The following CORO1C variants were observed in gnomAD, a reference collection of about 807,000 sequenced individuals.
The protein encoded by CORO1C is coronin-1C.
In CORO1C, 14 loss-of-function variants were observed where a neutral mutation model predicts 51.2. The ratio of observed to expected loss-of-function variants is 0.27; its 90% confidence interval spans 0.18 to 0.43. The LOEUF is 0.43. Among genes scored for constraint, CORO1C ranks in the 20% least tolerant of loss-of-function variants. CORO1C has a pLI of 1.00. For synonymous variants in CORO1C, 181 were observed against 210.5 expected, an observed-to-expected ratio of 0.86 and a Z score of 1.21; for missense variants, 417 against 607.8, an observed-to-expected ratio of 0.69 and a Z score of 3.30.
chr12:108,697,246 G>A (rs925211406), intron 2 of CORO1C, among the ~76,000 whole-genome samples: 1 of 152,058 alleles, frequency 6.6e-6, no homozygotes, highest in Admixed American at 6.5e-5. Flanking sequence ...TAATTCCAAC[G>A]TGTACATATT....
At chr12:108,655,268 ATAT>A (rs1397484835) in intron 6 of CORO1C, among the ~76,000 whole-genome samples, 7 of 152,214 alleles carry the variant, frequency 4.6e-5, no homozygotes, top group Non-Finnish European at 8.8e-5. Flanking sequence ...ACAACTGATC[ATAT>A]TATTTATGAA....
At chr12:108,693,332 A>G (rs2034562505) in intron 2 of CORO1C, among the ~76,000 whole-genome samples, 1 of 152,192 alleles carries the variant, frequency 6.6e-6, no homozygotes, top group South Asian at 2.1e-4. Flanking sequence ...ACTGTTCATG[A>G]AGGGGACTAT....
intron 1 of CORO1C, among the ~76,000 whole-genome samples, chr12:108,726,035 G>A (rs755890956): frequency 1.3e-5 from 2 of 151,992 alleles, no homozygotes. Context: ...CAGGTTGGCC[G>A]TGTTGGCCAG....
intron 1 of CORO1C, among the ~76,000 whole-genome samples, chr12:108,710,235 T>C (rs939883481): frequency 2.6e-5 from 4 of 152,236 alleles, no homozygotes; most frequent in Non-Finnish European, 5.9e-5. Context: ...TGGGCGTTGG[T>C]TGAAACCTCT....
chr12:108,723,571 A>G (rs2035523227), intron 1 of CORO1C, among the ~76,000 whole-genome samples: 1 of 152,198 alleles, frequency 6.6e-6, no homozygotes, highest in African/African-American at 2.4e-5. Context: ...ATCCAGAATG[A>G]AGGCCTCAGC....
intron 6 of CORO1C, among the ~76,000 whole-genome samples, chr12:108,655,990 C>A (rs1026082907): frequency 9.3e-5 from 14 of 149,774 alleles, no homozygotes; most frequent in Non-Finnish European, 1.9e-4. Context: ...CTCTGCTCCG[C>A]CGCCCCGTCT....
intron 1 of CORO1C, among the ~76,000 whole-genome samples, chr12:108,714,817 A>G (rs2035283367): frequency 6.6e-6 from 1 of 152,190 alleles, no homozygotes; most frequent in South Asian, 2.1e-4. Context: ...TACTTTTTAA[A>G]GTTTTCAAAG....
At chr12:108,693,497 T>G (rs555512681) in intron 2 of CORO1C, among the ~76,000 whole-genome samples, 308 of 152,296 alleles carry the variant, frequency 2.0e-3, no homozygotes, top group Non-Finnish European at 3.2e-3. Context: ...CTAGTTCTTT[T>G]CCCCATAACA....
intron 1 of CORO1C, 140 bp from the exon 2 acceptor site, chr12:108,701,463 T>A (rs1375642653): frequency 7.3e-7 from 1 of 1,366,786 alleles, no homozygotes; most frequent in African/African-American, 1.4e-5. Context: ...CAAATTGCAA[T>A]CCAAATTTCT....
intron 1 of CORO1C, among the ~76,000 whole-genome samples, chr12:108,702,574 C>G (rs2034906241): frequency 6.6e-6 from 1 of 152,126 alleles, no homozygotes; most frequent in South Asian, 2.1e-4. Flanking sequence ...ATAGAAGGAG[C>G]CTGGATAAAA....
chr12:108,730,430 A>AT (rs1478817705), intron 1 of CORO1C: 2 of 152,256 alleles, frequency 1.3e-5, no homozygotes, highest in Non-Finnish European at 2.9e-5. Context: ...CCCCCAACAC[A>AT]TTCAAATCAT....
intron 2 of CORO1C, among the ~76,000 whole-genome samples, chr12:108,679,503 C>T (rs535022900): frequency 6.6e-6 from 1 of 152,346 alleles, no homozygotes; most frequent in East Asian, 1.9e-4. Context: ...TTTAAAATAG[C>T]TTAATGCCAG....
intron 1 of CORO1C, among the ~76,000 whole-genome samples, chr12:108,719,713 G>A (rs1425586281): frequency 6.6e-6 from 1 of 152,164 alleles, no homozygotes; most frequent in South Asian, 2.1e-4. Context: ...AATGACAATA[G>A]CGCATTAAAG....
At chr12:108,682,842 C>T (rs2034170808) in intron 2 of CORO1C, among the ~76,000 whole-genome samples, 1 of 151,982 alleles carries the variant, frequency 6.6e-6, no homozygotes, top group Non-Finnish European at 1.5e-5. Context: ...TAATGCAATA[C>T]AATTAAAAAT....
Position 108,647,412 on chromosome 12 carries a change from T to C in CORO1C, c.1416A>G (p.Ile472Met), listed in dbSNP as rs201986662. The change falls in exon 11 of 11, where the codon ATA (isoleucine) becomes ATG (methionine). Residue 472 changes from isoleucine to methionine, a missense_variant. By Grantham distance (10) the Ile-to-Met change is conservative. Transcript: ENST00000261401. ...ISKLEQQMAK[I>M]AA ...GGTGGGGGTGGGACCTTCAGGCTGCTATCTTTGCCATCTGCTGTTCTAACT... is the reference window on the plus strand; with the variant it reads ...GGTGGGGGTGGGACCTTCAGGCTGCCATCTTTGCCATCTGCTGTTCTAACT... The C allele has an allele frequency of 1.6e-4, 262 of 1,613,554 alleles. 3 individuals carry two copies. The East Asian group carries it at 2.3e-3, about 14-fold the overall frequency.
intron 10 of CORO1C, 104 bp downstream of exon 10, chr12:108,648,501 A>G: frequency 6.7e-7 from 1 of 1,486,880 alleles, no homozygotes; most frequent in Non-Finnish European, 9.2e-7. Context: ...AAAACCCCTG[A>G]GCACCCAGCT....
intron 2 of CORO1C, among the ~76,000 whole-genome samples, chr12:108,685,057 G>A (rs2034251059): frequency 6.6e-6 from 1 of 152,104 alleles, no homozygotes; most frequent in Non-Finnish European, 1.5e-5. Flanking sequence ...GCTAAGAAGC[G>A]CTTTTATTCA....
chr12:108,650,871 G>A (rs917355757), intron 8 of CORO1C, among the ~76,000 whole-genome samples: 1 of 152,026 alleles, frequency 6.6e-6, no homozygotes, highest in Non-Finnish European at 1.5e-5. Context: ...TGATTAGTTT[G>A]GTTTAAACCA....
At chr12:108,717,068 A>G (rs1592948357) in intron 1 of CORO1C, among the ~76,000 whole-genome samples, 1 of 152,258 alleles carries the variant, frequency 6.6e-6, no homozygotes, top group Non-Finnish European at 1.5e-5. Flanking sequence ...GCTGGAATGC[A>G]GAAGAACACA....
Sources: allele counts gnomAD v4.1 joint callset (sites outside exome capture counted in the v4.1 genomes callset), GRCh38; gene constraint gnomAD v4.1.1; transcripts MANE v1.5; gene names NCBI Gene and HGNC (gene_info 2026-07-23, HGNC 2026-07-21).